PRKG1: variants seen among roughly 807,000 people sequenced by gnomAD.
PRKG1 encodes protein kinase cGMP-dependent 1.
A neutral mutation model predicts 88.1 loss-of-function variants in PRKG1; 35 were observed. That is an observed-to-expected ratio of 0.40 (90% CI 0.30 to 0.53). The LOEUF (loss-of-function observed/expected upper bound fraction) is 0.53. Among genes scored for constraint, PRKG1 ranks in the 20% least tolerant of loss-of-function variants. The pLI, the probability that PRKG1 is intolerant of heterozygous loss-of-function variation, is 0.59. For synonymous variants in PRKG1, 303 were observed against 292.5 expected (o/e 1.04, Z -0.37); for missense variants, 540 against 839.8 (o/e 0.64, Z 4.41).
intron 2 of PRKG1, among the ~76,000 whole-genome samples, chr10:51,346,367 T>C (rs943434337): frequency 1.3e-5 from 2 of 152,212 alleles, no homozygotes; most frequent in Non-Finnish European, 1.5e-5. Context: ...AGGATGAAAA[T>C]ATGTATTATA....
chr10:52,214,971 G>T (rs1008939677), intron 9 of PRKG1, among the ~76,000 whole-genome samples: 6 of 150,148 alleles, frequency 4.0e-5, no homozygotes, highest in Non-Finnish European at 7.4e-5. Context: ...ACTTTAATAT[G>T]CATTTTAAGA....
chr10:51,250,739 T>C lies in PRKG1; in HGVS notation c.478+97409T>C, dbSNP rs184621208. ...GCAAGAGTAATGAAGGGATGAGAAA[T>C]GCATCTCCTTTGACAGGCCATGCAA... On this transcript the variant is annotated intron_variant, in intron 2 of 17. Coordinates refer to ENST00000373980, the MANE Select transcript of PRKG1 (RefSeq NM_006258.4). Among the ~76,000 whole-genome samples, 65 of 151,908 alleles carry C rather than the reference T, an allele frequency of 4.3e-4. No homozygotes were observed. In the East Asian group the frequency reaches 9.7e-3, roughly 23 times the overall value.
intron 3 of PRKG1, among the ~76,000 whole-genome samples, chr10:51,571,163 T>C (rs1012810560): frequency 2.0e-5 from 3 of 151,982 alleles, no homozygotes; most frequent in Non-Finnish European, 4.4e-5. Flanking sequence ...AGGGTTGTCA[T>C]GAGCATTAGC....
At chr10:51,957,109 CTT>C (rs1450881020) in intron 5 of PRKG1, among the ~76,000 whole-genome samples, 3 of 98,852 alleles carry the variant, frequency 3.0e-5, no homozygotes, top group African/African-American at 1.4e-4. Flanking sequence ...TTCTCTCTCT[CTT>C]TCTTTCTTTC....
intron 1 of PRKG1, among the ~76,000 whole-genome samples, chr10:51,146,477 G>C (rs1564617440): frequency 6.6e-6 from 1 of 151,496 alleles, no homozygotes; most frequent in Non-Finnish European, 1.5e-5. Context: ...CTGAACATTT[G>C]TCCTTCGCTT....
At chr10:51,938,521 C>T (rs1842842364) in intron 5 of PRKG1, among the ~76,000 whole-genome samples, 1 of 151,922 alleles carries the variant, frequency 6.6e-6, no homozygotes, top group Non-Finnish European at 1.5e-5. Context: ...TAATGTCATT[C>T]CCCTTCTTTA....
chr10:51,634,036 A>G (rs1389002768), intron 3 of PRKG1, among the ~76,000 whole-genome samples: 1 of 152,184 alleles, frequency 6.6e-6, no homozygotes, highest in East Asian at 1.9e-4. Flanking sequence ...ATAAAATTTC[A>G]TAGAATGCAA....
chr10:51,322,077 G>A (rs1841472377), intron 2 of PRKG1, among the ~76,000 whole-genome samples: 1 of 152,078 alleles, frequency 6.6e-6, no homozygotes, highest in Non-Finnish European at 1.5e-5. Flanking sequence ...GCTATGTGAA[G>A]CCACCATATT....
chr10:51,698,279 T>A (rs781265932), intron 3 of PRKG1: 18 of 1,613,966 alleles, frequency 1.1e-5, no homozygotes, highest in Non-Finnish European at 1.2e-5. Context: ...GACCTCAGTT[T>A]CCATGGCACG....
intron 2 of PRKG1, among the ~76,000 whole-genome samples, chr10:51,238,807 T>A (rs1255273482): frequency 6.6e-6 from 1 of 151,812 alleles, no homozygotes; most frequent in Non-Finnish European, 1.5e-5. Context: ...ACATAGGCCC[T>A]TCACATTTAG....
At chr10:51,543,516 C>T (rs1377228121) in intron 3 of PRKG1, among the ~76,000 whole-genome samples, 2 of 152,238 alleles carry the variant, frequency 1.3e-5, no homozygotes, top group East Asian at 3.9e-4. Flanking sequence ...AGTGTTTTTC[C>T]TCCACTACAT....
chr10:51,771,439 G>T (rs536128510), intron 3 of PRKG1, among the ~76,000 whole-genome samples: 1 of 152,158 alleles, frequency 6.6e-6, no homozygotes, highest in African/African-American at 2.4e-5. Flanking sequence ...AAAGTACTGG[G>T]ATGGACAGAG....
chr10:52,166,797 A>ATATATATGTATATATATG (rs1564498359), intron 9 of PRKG1, among the ~76,000 whole-genome samples: 1,163 of 22,572 alleles, frequency 0.052, 94 homozygotes, highest in East Asian at 0.26. Context: ...CTATATATAT[A>ATATATATGTATATATATG]CATATATATA....
At chr10:51,640,128 C>G (rs1192909787) in intron 3 of PRKG1, among the ~76,000 whole-genome samples, 1 of 152,216 alleles carries the variant, frequency 6.6e-6, no homozygotes, top group South Asian at 2.1e-4. Context: ...ATCATCATCA[C>G]CATTTCTACC....
At chr10:52,156,322 G>A (rs1838094979) in intron 8 of PRKG1, among the ~76,000 whole-genome samples, 1 of 151,908 alleles carries the variant, frequency 6.6e-6, no homozygotes, top group Non-Finnish European at 1.5e-5. Context: ...CTTCTGATAA[G>A]CATTCAGCTA....
intron 4 of PRKG1, among the ~76,000 whole-genome samples, chr10:51,851,499 G>C (rs973022977): frequency 2.6e-5 from 4 of 152,150 alleles, no homozygotes; most frequent in Admixed American, 2.6e-4. Flanking sequence ...TTCCCTATGG[G>C]GAAGTAGGGC....
At chr10:51,018,528 G>A (rs1287349515) in intron 1 of PRKG1, among the ~76,000 whole-genome samples, 1 of 152,174 alleles carries the variant, frequency 6.6e-6, no homozygotes, top group African/African-American at 2.4e-5. Context: ...TGAACATGCT[G>A]CCTCTTTTAC....
intron 3 of PRKG1, among the ~76,000 whole-genome samples, chr10:51,710,853 T>C (rs1841728218): frequency 6.6e-6 from 1 of 151,956 alleles, no homozygotes; most frequent in African/African-American, 2.4e-5. Context: ...GCGGGAAATA[T>C]TTTTATTTAA....
intron 2 of PRKG1, among the ~76,000 whole-genome samples, chr10:51,432,120 A>G (rs1443087027): frequency 6.6e-6 from 1 of 152,172 alleles, no homozygotes; most frequent in Non-Finnish European, 1.5e-5. Context: ...TGCCGCAATC[A>G]AGGTTTGATT....
Sources: gnomAD v4.1 joint callset for allele counts (sites outside exome capture counted in the v4.1 genomes callset) on GRCh38, gnomAD v4.1.1 for gene constraint, MANE v1.5 for transcripts, NCBI Gene and HGNC (gene_info 2026-07-23, HGNC 2026-07-21) for gene names.